The following FAF1 variants were observed in gnomAD, a reference collection of about 807,000 sequenced individuals.
FAF1 encodes the protein Fas associated factor 1, also known as FAS-associated factor 1.
In FAF1, 25 loss-of-function variants were observed where a neutral mutation model predicts 92.5. The ratio of observed to expected loss-of-function variants is 0.27; its 90% CI spans 0.20 to 0.38. The LOEUF (loss-of-function observed/expected upper bound fraction) is 0.38. FAF1 is among the 10% of genes least tolerant of loss of function. The pLI, the probability that FAF1 is intolerant of heterozygous loss-of-function variation, is 1.00. For missense variants in FAF1, 636 were observed against 793.3 expected, an observed-to-expected ratio of 0.80 and a Z score of 2.38; for synonymous variants, 234 against 273.2, an observed-to-expected ratio of 0.86 and a Z score of 1.42.
At chr1:50,788,269 C>T (rs941023273) in intron 3 of FAF1, 64 bp from the exon 4 acceptor site, 34 of 1,371,854 alleles carry the variant, frequency 2.5e-5, no homozygotes, top group African/African-American at 2.9e-5. Flanking sequence ...CTACTAGGGA[C>T]CCTCTCCATA....
chr1:50,471,616 T>C (rs1317128675), intron 18 of FAF1, among the ~76,000 whole-genome samples: 1 of 152,182 alleles, frequency 6.6e-6, no homozygotes, highest in African/African-American at 2.4e-5. Flanking sequence ...GTCTGTCTGT[T>C]TGGGGATTCA....
intron 8 of FAF1, among the ~76,000 whole-genome samples, chr1:50,649,592 C>G (rs1654761849): frequency 6.6e-6 from 1 of 152,076 alleles, no homozygotes; most frequent in South Asian, 2.1e-4. Flanking sequence ...CCTAGTTTCT[C>G]AATTCTGAGT....
chr1:50,660,771 C>T (rs985420822), intron 7 of FAF1, among the ~76,000 whole-genome samples: 4 of 152,020 alleles, frequency 2.6e-5, no homozygotes, highest in East Asian at 1.9e-4. Flanking sequence ...GAATTACAGG[C>T]GAGCTACCTT....
intron 7 of FAF1, among the ~76,000 whole-genome samples, chr1:50,673,056 G>A (rs1002145087): frequency 3.3e-5 from 5 of 152,060 alleles, no homozygotes; most frequent in Non-Finnish European, 7.4e-5. Flanking sequence ...TCCAGAGTTC[G>A]AGACCAGCCT....
intron 14 of FAF1, among the ~76,000 whole-genome samples, chr1:50,537,562 T>A (rs1323639876): frequency 1.3e-5 from 2 of 152,152 alleles, no homozygotes; most frequent in East Asian, 1.9e-4. Context: ...TAGAAATATT[T>A]AAAATAAATT....
chr1:50,653,943 C>T (rs1251058408), intron 8 of FAF1, among the ~76,000 whole-genome samples: 2 of 152,280 alleles, frequency 1.3e-5, no homozygotes, highest in Admixed American at 6.5e-5. Flanking sequence ...GCTGGGATTA[C>T]AGGTGTGAGT....
intron 6 of FAF1, among the ~76,000 whole-genome samples, chr1:50,728,732 A>C (rs906567515): frequency 6.6e-6 from 1 of 151,582 alleles, no homozygotes; most frequent in Admixed American, 6.6e-5. Context: ...CGGAGGTTGG[A>C]ATGAGCCGAG....
chr1:50,693,075 G>A (rs1050829364), intron 7 of FAF1, among the ~76,000 whole-genome samples: 1 of 152,110 alleles, frequency 6.6e-6, no homozygotes, highest in African/African-American at 2.4e-5. Context: ...TTTTGATGAA[G>A]TTCAAATAAC....
chr1:50,865,844 T>C (rs973162952), intron 1 of FAF1, among the ~76,000 whole-genome samples: 1 of 131,842 alleles, frequency 7.6e-6, no homozygotes, highest in South Asian at 2.4e-4. Flanking sequence ...ATAATAATAA[T>C]AAAAGAAAAA....
intron 6 of FAF1, among the ~76,000 whole-genome samples, chr1:50,724,296 TACACACACACACAC>T (rs974347882): frequency 6.0e-5 from 7 of 117,136 alleles, no homozygotes; most frequent in African/African-American, 1.3e-4. Flanking sequence ...CACACACACA[TACACACACACACAC>T]ACACACACAC....
At chr1:50,808,124 T>C (rs1428416182) in intron 2 of FAF1, among the ~76,000 whole-genome samples, 1 of 151,960 alleles carries the variant, frequency 6.6e-6, no homozygotes, top group African/African-American at 2.4e-5. Context: ...AGAAAAAAAA[T>C]TCCAACCAAG....
intron 1 of FAF1, among the ~76,000 whole-genome samples, chr1:50,950,742 T>C (rs1008984688): frequency 3.9e-5 from 6 of 152,210 alleles, no homozygotes; most frequent in Admixed American, 2.0e-4. Flanking sequence ...AAACAAGGAA[T>C]AGACAAAGTG....
chr1:50,781,746 A>G (rs1023065629), intron 4 of FAF1, among the ~76,000 whole-genome samples: 1 of 152,228 alleles, frequency 6.6e-6, no homozygotes, highest in Non-Finnish European at 1.5e-5. Flanking sequence ...TATAGCACAT[A>G]TTACTCCATA....
At chr1:50,875,336 G>A (rs1644561874) in intron 1 of FAF1, among the ~76,000 whole-genome samples, 1 of 152,068 alleles carries the variant, frequency 6.6e-6, no homozygotes, top group Non-Finnish European at 1.5e-5. Flanking sequence ...TGTATACATT[G>A]TAGAATGGCT....
At chr1:50,551,603 C>A (rs192820406) in intron 13 of FAF1, among the ~76,000 whole-genome samples, 3 of 152,202 alleles carry the variant, frequency 2.0e-5, no homozygotes, top group Admixed American at 2.0e-4. Context: ...GCAGCATAGG[C>A]CCTTAAGAAC....
At chr1:50,895,032 C>T (rs1644747722) in intron 1 of FAF1, among the ~76,000 whole-genome samples, 1 of 151,550 alleles carries the variant, frequency 6.6e-6, no homozygotes, top group African/African-American at 2.4e-5. Flanking sequence ...TAATAAAGAT[C>T]AGAGCAGAAA....
intron 1 of FAF1, among the ~76,000 whole-genome samples, chr1:50,886,249 A>G (rs1440657675): frequency 6.6e-6 from 1 of 151,978 alleles, no homozygotes; most frequent in African/African-American, 2.4e-5. Context: ...TCCCTTTAAC[A>G]CTTCTTGTAG....
intron 3 of FAF1, among the ~76,000 whole-genome samples, chr1:50,790,203 A>C (rs563672407): frequency 6.6e-6 from 1 of 151,966 alleles, no homozygotes; most frequent in Admixed American, 6.6e-5. Flanking sequence ...GTGCAGTGGG[A>C]TGATCTTGGC....
At chr1:50,715,504 T>C (rs1052006887) in intron 6 of FAF1, among the ~76,000 whole-genome samples, 2 of 152,214 alleles carry the variant, frequency 1.3e-5, no homozygotes, top group East Asian at 1.9e-4. Flanking sequence ...AAAATATAGA[T>C]AGATAACCAC....
Sources: gnomAD v4.1 joint callset for allele counts (sites outside exome capture counted in the v4.1 genomes callset) on GRCh38, gnomAD v4.1.1 for gene constraint, MANE v1.5 for transcripts, NCBI Gene and HGNC (gene_info 2026-07-23, HGNC 2026-07-21) for gene names.